GRIN2B: variants seen among roughly 807,000 people sequenced by gnomAD.
GRIN2B encodes glutamate ionotropic receptor NMDA type subunit 2B, also known as glutamate receptor ionotropic, NMDA 2B.
In GRIN2B, 5 loss-of-function variants were observed where a neutral mutation model predicts 114.5. The ratio of observed to expected loss-of-function variants is 0.04; its 90% CI spans 0.02 to 0.09. GRIN2B has a LOEUF of 0.09. GRIN2B is among the 10% of genes least tolerant of loss of function. GRIN2B has a pLI of 1.00. For synonymous variants in GRIN2B, 787 were observed against 745.1 expected (o/e 1.06, Z -0.92); for missense variants, 1,108 against 1,943.5 (o/e 0.57, Z 8.08).
At chr12:13,692,293 T>G (rs1447571575) in intron 4 of GRIN2B, among the ~76,000 whole-genome samples, 1 of 152,152 alleles carries the variant, frequency 6.6e-6, no homozygotes, top group Non-Finnish European at 1.5e-5. Flanking sequence ...GGCTGTCCAT[T>G]GGTGAAATCT....
intron 2 of GRIN2B, among the ~76,000 whole-genome samples, chr12:13,897,073 G>A (rs1261439882): frequency 6.6e-6 from 1 of 151,876 alleles, no homozygotes; most frequent in Admixed American, 6.6e-5. Context: ...TCCTTCTCTC[G>A]CCCTTTTCAA....
chr12:13,563,899 C>T lies in GRIN2B; in HGVS notation c.3339G>A (p.Pro1113=), dbSNP rs200660626. 1.1e-5 allele frequency: 17 copies of T among 1,613,948 alleles called. No individual in the cohort carries two copies. Among genetic ancestry groups the T allele is most frequent in the African/African-American group, 5.3e-5 (4 of 74,924 alleles). Residue 1113 remains proline, a synonymous_variant, in exon 14 of 14, where the codon CCG becomes CCA. Coordinates refer to ENST00000609686, the MANE Select transcript of GRIN2B (RefSeq NM_000834.5). ...AGCGCTTGTGGTCAGGGGAGCGGGG[C>T]GGTCGGCGACGGTAGGCCAGCTCGA... ...DEIELAYRRR[P]PRSPDHKRYF...
At chr12:13,924,152 G>A (rs1055400019) in intron 2 of GRIN2B, among the ~76,000 whole-genome samples, 7 of 152,222 alleles carry the variant, frequency 4.6e-5, no homozygotes, top group South Asian at 2.1e-4. Context: ...AAAAAGACCC[G>A]AGGCATACAC....
intron 3 of GRIN2B, among the ~76,000 whole-genome samples, chr12:13,760,987 GA>G (rs1941041619): frequency 6.6e-6 from 1 of 152,158 alleles, no homozygotes; most frequent in African/African-American, 2.4e-5. Context: ...GCAAGATAGG[GA>G]AAATTTCCGA....
chr12:13,863,973 A>T (rs1364909941), intron 3 of GRIN2B, among the ~76,000 whole-genome samples: 1 of 152,244 alleles, frequency 6.6e-6, no homozygotes, highest in Non-Finnish European at 1.5e-5. Flanking sequence ...TTAAAATAAA[A>T]TATAATTTGC....
At chr12:13,762,722 C>T (rs1863701633) in intron 3 of GRIN2B, among the ~76,000 whole-genome samples, 1 of 152,170 alleles carries the variant, frequency 6.6e-6, no homozygotes, top group Admixed American at 6.5e-5. Context: ...CCCTGGGAAA[C>T]AAAGGGCTCT....
chr12:13,939,837 G>A lies in GRIN2B; in HGVS notation c.-19+40091C>T, dbSNP rs560238758. Among the ~76,000 whole-genome samples the A allele has an allele frequency of 3.0e-4, 46 of 152,150 alleles. No homozygotes were observed. The South Asian group carries it at 5.4e-3, about 18-fold the overall frequency. On this transcript the variant is annotated intron_variant, in intron 2 of 13. Coordinates refer to ENST00000609686, the MANE Select transcript of GRIN2B (RefSeq NM_000834.5). ...TTTATAAATTACCCAGTCTCAGGTC[G>A]TTTATAACAACACAAAATGGACTGA... is the stretch of plus-strand genomic sequence containing the variant.
intron 3 of GRIN2B, among the ~76,000 whole-genome samples, chr12:13,843,688 A>T (rs1052208026): frequency 1.3e-5 from 2 of 152,198 alleles, no homozygotes; most frequent in Non-Finnish European, 2.9e-5. Context: ...TACAATTATT[A>T]TGTCTGTTTT....
chr12:13,949,210 T>C (rs761580241), intron 2 of GRIN2B, among the ~76,000 whole-genome samples: 27 of 152,178 alleles, frequency 1.8e-4, no homozygotes, highest in Non-Finnish European at 3.2e-4. Context: ...AGAAGGGAGA[T>C]GCTGGTTTGC....
At chr12:13,674,400 C>T (rs1183761687) in intron 5 of GRIN2B, among the ~76,000 whole-genome samples, 2 of 152,010 alleles carry the variant, frequency 1.3e-5, no homozygotes, top group Admixed American at 1.3e-4. Context: ...TAATTTAAGC[C>T]TTATAATTGT....
chr12:13,616,599 C>A lies in GRIN2B; in HGVS notation c.1184G>T (p.Cys395Phe). ...ATCCTCCTGCTCTTCAGTCTCTGGA[C>A]ACATTCGGGGCCACACATAGTACTT... ...QMKYYVWPRM[C>F]PETEEQEDDH... The change falls in exon 6 of 14, where the codon TGT (cysteine) becomes TTT (phenylalanine). Residue 395 changes from cysteine (C) to phenylalanine (F), a missense_variant. Around this residue, in one of 19 missense-constraint regions of GRIN2B, gnomAD observed 21 missense variants for 25.4 expected, o/e 0.83. Coordinates refer to ENST00000609686, the MANE Select transcript of GRIN2B (RefSeq NM_000834.5). 1.8e-5 allele frequency: 29 copies of A among 1,614,050 alleles called. No individual in the cohort carries two copies. The highest frequency in any genetic ancestry group is 2.5e-5 in the Non-Finnish European group (29 of 1,179,906).
intron 5 of GRIN2B, among the ~76,000 whole-genome samples, chr12:13,646,983 A>G (rs1176580514): frequency 1.3e-5 from 2 of 152,106 alleles, no homozygotes; most frequent in Non-Finnish European, 2.9e-5. Context: ...TCCAGTCAAT[A>G]CCCAGTAAGA....
Position 13,547,686 on chromosome 12 carries a change from C to G in GRIN2B, c.*15097G>C, listed in dbSNP as rs1484579659. On this transcript the variant is annotated 3_prime_UTR_variant, in exon 14 of 14. Transcript: ENST00000609686. ...CAGCTCTTTTCCATCCAAAGGTGAA[C>G]AGAAGACTCTGCAGAGCATAATGTT... 1 of 152,068 alleles carries G rather than the reference C, an allele frequency of 6.6e-6. No individual in the cohort carries two copies. Among genetic ancestry groups the G allele is most frequent in the Non-Finnish European group, 1.5e-5 (1 of 68,006 alleles). The allele number at this position is 152,068 out of a possible 1,614,324, so 9.4% of individuals were successfully genotyped here. A position where few individuals can be genotyped will look rare whatever the true frequency, so the allele number is the denominator to read the frequency against.
Position 13,550,646 on chromosome 12 carries a change from C to T in GRIN2B, c.*12137G>A, listed in dbSNP as rs1259208262. The T allele has an allele frequency of 6.6e-6, 1 of 152,122 alleles. No individual in the cohort carries two copies. The highest frequency in any genetic ancestry group is 1.5e-5 in the Non-Finnish European group (1 of 68,022). 9.4% of individuals were successfully genotyped at this position (152,122 alleles called of 1,614,324 possible). A position where few individuals can be genotyped will look rare whatever the true frequency, so the allele number is the denominator to read the frequency against. ...TAGCAGGATAACTATGTTGCTCTAC[C>T]ACAAAGAAAATGCTGCCTTCACATA... On this transcript the variant is annotated 3_prime_UTR_variant, in exon 14 of 14. Transcript: ENST00000609686.
In GRIN2B at chr12:13,563,794, G is replaced by T; in HGVS notation, c.3444C>A (p.His1148Gln). 2 of 1,613,572 alleles carry T rather than the reference G, an allele frequency of 1.2e-6. No homozygotes were observed. The highest frequency in any genetic ancestry group is 1.7e-6 in the Non-Finnish European group (2 of 1,179,858). The change falls in exon 14 of 14, where the codon CAC becomes CAA. Residue 1148 changes from histidine (H) to glutamine (Q), a missense_variant. Transcript: ENST00000609686. ...RTKENSPHWE[H>Q]VDLTDIYKER... ...CCTTGTAGATGTCGGTCAGGTCTAC[G>T]TGCTCCCAGTGGGGTGAGTTCTCCT...
At chr12:13,776,567 AT>A (rs2136651143) in intron 3 of GRIN2B, among the ~76,000 whole-genome samples, 1 of 152,292 alleles carries the variant, frequency 6.6e-6, no homozygotes, top group South Asian at 2.1e-4. Context: ...AGGAGAACAA[AT>A]TAATATAATC....
At chr12:13,582,044 T>C (rs1948860282) in intron 10 of GRIN2B, among the ~76,000 whole-genome samples, 1 of 152,256 alleles carries the variant, frequency 6.6e-6, no homozygotes, top group African/African-American at 2.4e-5. Flanking sequence ...CACTTAGCTT[T>C]GAAACTGAAT....
chr12:13,701,253 G>A (rs1216424308), intron 4 of GRIN2B, among the ~76,000 whole-genome samples: 1 of 152,156 alleles, frequency 6.6e-6, no homozygotes, highest in Non-Finnish European at 1.5e-5. Context: ...AATTCAAGGT[G>A]AGATTTGGGT....
chr12:13,596,006 T>C (rs538037086), intron 10 of GRIN2B, among the ~76,000 whole-genome samples: 2 of 151,892 alleles, frequency 1.3e-5, no homozygotes, highest in Non-Finnish European at 2.9e-5. Flanking sequence ...CCTTGTGTGT[T>C]CAAGTGCATT....
Sources: gnomAD v4.1 joint callset for allele counts (sites outside exome capture counted in the v4.1 genomes callset) on GRCh38, gnomAD v4.1.1 for gene constraint, gnomAD v4.1.1 regional missense constraint, MANE v1.5 for transcripts, NCBI Gene and HGNC (gene_info 2026-07-23, HGNC 2026-07-21) for gene names.